Variants in SCN2A observed in about 807,000 individuals in gnomAD.
The protein encoded by SCN2A is sodium voltage-gated channel alpha subunit 2, also known as sodium channel protein type 2 subunit alpha.
In SCN2A, 20 loss-of-function variants were observed where a neutral mutation model predicts 188.7. The observed-to-expected ratio is 0.11, with a 90% CI of 0.07 to 0.15. The LOEUF (loss-of-function observed/expected upper bound fraction) is 0.15. Among genes scored for constraint, SCN2A ranks in the 10% least tolerant of loss-of-function variants. The pLI, the probability that SCN2A is intolerant of heterozygous loss-of-function variation, is 1.00. For synonymous variants in SCN2A, 804 were observed against 833.1 expected (o/e 0.97, Z 0.60); for missense variants, 1,278 against 2,445.0 (o/e 0.52, Z 10.07).
At chr2:165,262,713 G>A (rs900337893) in intron 1 of SCN2A, among the ~76,000 whole-genome samples, 3 of 152,086 alleles carry the variant, frequency 2.0e-5, no homozygotes, top group East Asian at 1.9e-4. Context: ...ATAAACATGC[G>A]TGTGCAATTA....
At position 165,265,485 on chromosome 2, in the gene SCN2A, A is replaced by C. The variant is rs1269389734; in HGVS notation, c.-52+25845A>C. 4.4e-3 allele frequency among the ~76,000 whole-genome samples: 477 copies of C among 108,204 alleles called. 16 individuals are homozygous for C. In the East Asian group the frequency reaches 0.08, roughly 18 times the overall value. 71.0% of individuals were successfully genotyped at this position (108,204 alleles called of 152,430 possible). On this transcript the variant is annotated intron_variant, in intron 1 of 26. Transcript: ENST00000375437. ...ACTCTGTTGATCTATATATATATAT[A>C]TATATATATATATATATATATATAT...
Position 165,301,944 on chromosome 2 carries a change from C to G in SCN2A, c.386+4809C>G, listed in dbSNP as rs114383425. On this transcript the variant is annotated intron_variant, in intron 3 of 26. Coordinates refer to ENST00000375437, the MANE Select transcript of SCN2A (RefSeq NM_001040142.2). ...CAGTGGCAGAGCTAAAACTTCAGAC[C>G]AGGTTTTTTGATTCTTGGCTCTTTG... Among the ~76,000 whole-genome samples, 766 of 152,206 alleles carry G rather than the reference C, an allele frequency of 5.0e-3. 6 individuals are homozygous for G. The highest frequency in any genetic ancestry group is 0.018 in the African/African-American group (733 of 41,540).
At chr2:165,303,705 A>G (rs1003994909) in intron 3 of SCN2A, among the ~76,000 whole-genome samples, 9 of 152,178 alleles carry the variant, frequency 5.9e-5, no homozygotes, top group Non-Finnish European at 1.0e-4. Flanking sequence ...AAGCCTTTCT[A>G]TTTAGAGATA....
intron 18 of SCN2A, 74 bp downstream of exon 18, chr2:165,365,337 CTG>C: frequency 6.5e-7 from 1 of 1,546,468 alleles, no homozygotes; most frequent in Non-Finnish European, 8.9e-7. Context: ...ATTTAAATGT[CTG>C]TTTATTTGTC....
At chr2:165,313,588 G>A (rs767656742) in intron 8 of SCN2A, 32 bp from the exon 9 acceptor site, 1 of 1,612,432 alleles carries the variant, frequency 6.2e-7, no homozygotes, top group South Asian at 1.1e-5. Context: ...TGCCGTTATT[G>A]ACTTCCTTTC....
chr2:165,338,261 CTT>C (rs71028478), intron 14 of SCN2A, among the ~76,000 whole-genome samples: 5 of 139,236 alleles, frequency 3.6e-5, no homozygotes, highest in Admixed American at 7.3e-5. Context: ...AAGATTTGAA[CTT>C]TTTTTTTTTT....
intron 2 of SCN2A, 176 bp downstream of exon 2, chr2:165,296,266 C>T (rs1696505147): frequency 1.5e-6 from 1 of 646,382 alleles, no homozygotes; most frequent in Non-Finnish European, 2.7e-6. Flanking sequence ...TGGAAGCACT[C>T]ATTTGAACCT....
At chr2:165,314,324 A>G (rs944526407) in intron 10 of SCN2A, among the ~76,000 whole-genome samples, 2 of 152,124 alleles carry the variant, frequency 1.3e-5, no homozygotes, top group African/African-American at 2.4e-5. Flanking sequence ...GATAATTATA[A>G]TTGCTTTACT....
At chr2:165,365,874 T>G (rs1700700530) in intron 18 of SCN2A, among the ~76,000 whole-genome samples, 1 of 152,180 alleles carries the variant, frequency 6.6e-6, no homozygotes, top group Non-Finnish European at 1.5e-5. Context: ...AAGGATTTTC[T>G]GAAGAAAGCT....
At chr2:165,345,063 C>T in intron 16 of SCN2A, 152 bp downstream of exon 16, 1 of 946,444 alleles carries the variant, frequency 1.1e-6, no homozygotes, top group Admixed American at 2.4e-5. Context: ...ATAGTTTAGA[C>T]CATTGTAATC....
intron 1 of SCN2A, among the ~76,000 whole-genome samples, chr2:165,252,341 A>G (rs1694132187): frequency 6.6e-6 from 1 of 152,232 alleles, no homozygotes; most frequent in Non-Finnish European, 1.5e-5. Context: ...AATATATCAT[A>G]CAAGTTAACT....
intron 25 of SCN2A, among the ~76,000 whole-genome samples, chr2:165,386,491 G>A (rs1225067626): frequency 1.3e-5 from 2 of 151,696 alleles, no homozygotes; most frequent in Non-Finnish European, 2.9e-5. Flanking sequence ...AAAAAAAAGA[G>A]AGAGAGATAA....
intron 3 of SCN2A, among the ~76,000 whole-genome samples, chr2:165,304,069 C>T (rs2105232062): frequency 6.6e-6 from 1 of 151,982 alleles, no homozygotes; most frequent in South Asian, 2.1e-4. Flanking sequence ...TATATTTTTA[C>T]CCTCAAAAAA....
intron 13 of SCN2A, chr2:165,328,611 A>G: frequency 1.7e-6 from 1 of 605,970 alleles, no homozygotes; most frequent in Non-Finnish European, 2.1e-6. Context: ...ACATTACTTA[A>G]AAAACCTCAA....
At chr2:165,317,109 T>C (rs893692415) in intron 11 of SCN2A, among the ~76,000 whole-genome samples, 2 of 152,286 alleles carry the variant, frequency 1.3e-5, no homozygotes, top group South Asian at 2.1e-4. Flanking sequence ...ACATGTGATA[T>C]ATATAAATTT....
At chr2:165,296,481 T>A in intron 2 of SCN2A, 1 of 251,910 alleles carries the variant, frequency 4.0e-6, no homozygotes, top group South Asian at 5.1e-5. Flanking sequence ...AGGAGTAGTA[T>A]CTAAATTCCT....
intron 23 of SCN2A, among the ~76,000 whole-genome samples, chr2:165,379,948 G>C (rs1028582579): frequency 2.0e-5 from 3 of 151,718 alleles, no homozygotes; most frequent in Non-Finnish European, 4.4e-5. Flanking sequence ...CATTGTTACA[G>C]AAACAGTCCC....
rs1702058510 is a variant in SCN2A, at chr2:165,389,801, G to T, written c.5995G>T (p.Asp1999Tyr). The change falls in exon 27 of 27, where the codon GAT becomes TAT. Residue 1999 changes from aspartate (D) to tyrosine (Y), a missense_variant. Asp to Tyr is a radical substitution (Grantham distance 160, BLOSUM62 -3). Around this residue, in one of 17 missense-constraint regions of SCN2A, gnomAD observed 109 missense variants for 137.9 expected, o/e 0.79. Transcript: ENST00000375437. This position sits in a 1 kb window ranked among gnomAD's most constrained non-coding sequence, Gnocchi z 4.2. ...DKSEKEDKGK[D>Y]IRESKK ...ATCAGAAAAGGAAGACAAAGGGAAAGATATCAGGGAAAGTAAAAAGTAAAA... is the reference window on the plus strand; with the variant it reads ...ATCAGAAAAGGAAGACAAAGGGAAATATATCAGGGAAAGTAAAAAGTAAAA... 3 of 1,611,516 alleles carry T rather than the reference G, an allele frequency of 1.9e-6. No individual in the cohort carries two copies. The highest frequency in any genetic ancestry group is 1.1e-5 in the South Asian group (1 of 90,758).
At chr2:165,325,076 A>G (rs1574595987) in intron 12 of SCN2A, among the ~76,000 whole-genome samples, 1 of 152,328 alleles carries the variant, frequency 6.6e-6, no homozygotes, top group East Asian at 1.9e-4. Context: ...CATAATTCTT[A>G]TACATAATAA....
Sources: gnomAD v4.1 joint callset for allele counts (sites outside exome capture counted in the v4.1 genomes callset) on GRCh38, gnomAD v4.1.1 for gene constraint, gnomAD v4.1.1 regional missense constraint, Gnocchi (gnomAD v3.1) non-coding constraint, MANE v1.5 for transcripts, NCBI Gene and HGNC (gene_info 2026-07-23, HGNC 2026-07-21) for gene names.